Variants in TLK1 observed in about 807,000 individuals in gnomAD.
TLK1 encodes tousled like kinase 1.
Under a neutral mutation model 105.3 loss-of-function variants are expected in TLK1, and 24 were observed. That is an observed-to-expected ratio of 0.23 (90% CI 0.17 to 0.32). The LOEUF (loss-of-function observed/expected upper bound fraction) is 0.32, where lower values mean the gene tolerates loss of function less well. TLK1 is among the 10% of genes least tolerant of loss of function. The pLI, the probability that TLK1 is intolerant of heterozygous loss-of-function variation, is 1.00. For missense variants in TLK1, 558 were observed against 910.5 expected (o/e 0.61, Z 4.98); for synonymous variants, 321 against 310.4 (o/e 1.03, Z -0.36).
intron 1 of TLK1, among the ~76,000 whole-genome samples, chr2:171,135,335 A>G (rs113810866): frequency 1.1e-5 from 1 of 90,736 alleles, no homozygotes; most frequent in Non-Finnish European, 2.9e-5. Context: ...ATATATATAT[A>G]TATATATATC....
intron 1 of TLK1, among the ~76,000 whole-genome samples, chr2:171,166,071 A>T (rs1223804682): frequency 6.6e-6 from 1 of 152,232 alleles, no homozygotes; most frequent in African/African-American, 2.4e-5. Flanking sequence ...TGTAGCTTGA[A>T]GTCAGCCATG....
rs766099431 is a variant in TLK1 at position 171,160,453 on chromosome 2, T to G, written c.-25A>C. 1.3e-6 allele frequency: 2 copies of G among 1,580,862 alleles called. No individual in the cohort carries two copies. Among genetic ancestry groups the G allele is most frequent in the Non-Finnish European group, 8.6e-7 (1 of 1,167,130 alleles). ...TCAAGCTACTTTCTGGGAACCCGAC[T>G]CCCCCCCTGCGACGGCAGCGGCGGC... On this transcript the variant is annotated 5_prime_UTR_variant, in exon 1 of 21. Coordinates refer to ENST00000431350, the MANE Select transcript of TLK1 (RefSeq NM_012290.5). This position sits in a 1 kb window ranked among gnomAD's most constrained non-coding sequence, Gnocchi z 4.4.
At chr2:171,086,068 T>C (rs552391686) in intron 2 of TLK1, among the ~76,000 whole-genome samples, 3 of 152,290 alleles carry the variant, frequency 2.0e-5, no homozygotes, top group Admixed American at 6.5e-5. Flanking sequence ...TAATTCACAG[T>C]ATAAAGATGC....
chr2:171,133,873 T>C (rs1312383150), intron 1 of TLK1, among the ~76,000 whole-genome samples: 1 of 152,176 alleles, frequency 6.6e-6, no homozygotes, highest in African/African-American at 2.4e-5. Flanking sequence ...TGTCAGGGTG[T>C]TGCCCAGGCT....
intron 10 of TLK1, among the ~76,000 whole-genome samples, 198 bp from the exon 11 acceptor site, chr2:171,046,560 C>T (rs1331013739): frequency 1.3e-5 from 2 of 152,132 alleles, no homozygotes; most frequent in Non-Finnish European, 2.9e-5. Context: ...ATTCTCTAAA[C>T]CCCTAGATTA....
At chr2:171,219,198 G>A (rs1693765156) in intron 1 of TLK1, among the ~76,000 whole-genome samples, 1 of 152,104 alleles carries the variant, frequency 6.6e-6, no homozygotes, top group South Asian at 2.1e-4. Context: ...GCTTCACTAG[G>A]CCAAAAGCAA....
intron 2 of TLK1, among the ~76,000 whole-genome samples, chr2:171,115,570 C>A (rs1156780913): frequency 6.6e-6 from 1 of 152,134 alleles, no homozygotes; most frequent in African/African-American, 2.4e-5. Context: ...TCATTTTCCA[C>A]CCACGATGGC....
intron 1 of TLK1, among the ~76,000 whole-genome samples, chr2:171,139,879 C>G (rs1432833394): frequency 6.6e-6 from 1 of 152,152 alleles, no homozygotes; most frequent in African/African-American, 2.4e-5. Context: ...CTCAAATCAT[C>G]AGGCATTAGT....
chr2:171,193,700 ATTTTTTT>A (rs35175399), intron 1 of TLK1, among the ~76,000 whole-genome samples: 41 of 64,628 alleles, frequency 6.3e-4, no homozygotes, highest in Admixed American at 3.0e-3. Context: ...AGCGCCTGGC[ATTTTTTT>A]TTTTTTTTTT....
At chr2:170,996,020 CAG>C (rs1012664647) in intron 20 of TLK1, among the ~76,000 whole-genome samples, 1 of 149,354 alleles carries the variant, frequency 6.7e-6, no homozygotes, top group African/African-American at 2.5e-5. Context: ...TTTTTTGAGA[CAG>C]GGTGTCACTC....
At chr2:171,154,756 G>A (rs1487535948) in intron 1 of TLK1, among the ~76,000 whole-genome samples, 1 of 152,116 alleles carries the variant, frequency 6.6e-6, no homozygotes, top group East Asian at 1.9e-4. Context: ...AAGCATGAAG[G>A]AGTTTATGAA....
At chr2:171,055,046 A>T in intron 7 of TLK1, 37 bp downstream of exon 7, 2 of 1,246,972 alleles carry the variant, frequency 1.6e-6, no homozygotes, top group Non-Finnish European at 2.2e-6. Flanking sequence ...ATGGTTTCTT[A>T]GAAGCCATAG....
At chr2:171,019,680 A>G (rs1047351150) in intron 12 of TLK1, among the ~76,000 whole-genome samples, 1 of 152,192 alleles carries the variant, frequency 6.6e-6, no homozygotes, top group African/African-American at 2.4e-5. Context: ...CCTATAACCT[A>G]TGGGAGTTGG....
At chr2:171,126,341 T>C (rs1201850803) in intron 1 of TLK1, among the ~76,000 whole-genome samples, 3 of 152,136 alleles carry the variant, frequency 2.0e-5, no homozygotes, top group Non-Finnish European at 4.4e-5. Context: ...ATGTTTTCTC[T>C]CTCTCCCTGT....
intron 1 of TLK1, among the ~76,000 whole-genome samples, chr2:171,150,050 A>T (rs555996583): frequency 1.3e-5 from 2 of 152,252 alleles, no homozygotes; most frequent in African/African-American, 4.8e-5. Flanking sequence ...ATATTTGCTC[A>T]GTGTCAAGTC....
rs182621172 is a variant in TLK1, at chr2:171,078,369, C to T, written c.330+4412G>A. On this transcript the variant is annotated intron_variant, in intron 3 of 20. Transcript: ENST00000431350. ...CCTGGCCAACATAGTGAAACCCCGT[C>T]TCTACTAAAAATACAAAAATTAGCC... 1.0e-3 allele frequency among the ~76,000 whole-genome samples: 152 copies of T among 152,180 alleles called. 1 individual carries two copies. The highest frequency in any genetic ancestry group is 6.8e-3 in the Middle Eastern group (2 of 294).
At chr2:171,170,896 T>G (rs1692714061) in intron 1 of TLK1, among the ~76,000 whole-genome samples, 3 of 152,156 alleles carry the variant, frequency 2.0e-5, no homozygotes, top group Admixed American at 2.0e-4. Context: ...ATATTAATAC[T>G]CAGTGAAGTG....
chr2:171,112,176 T>A (rs1454126386), intron 2 of TLK1, among the ~76,000 whole-genome samples: 1 of 152,204 alleles, frequency 6.6e-6, no homozygotes, highest in Non-Finnish European at 1.5e-5. Context: ...GTTCTCAAAC[T>A]CCTTACCTCG....
chr2:171,165,250 C>T (rs1419097948), upstream of TLK1, among the ~76,000 whole-genome samples: 1 of 152,184 alleles, frequency 6.6e-6, no homozygotes, highest in African/African-American at 2.4e-5. Flanking sequence ...GTTCTGAGTG[C>T]TCCATGAGGA....
Sources: allele counts gnomAD v4.1 joint callset (sites outside exome capture counted in the v4.1 genomes callset), GRCh38; gene constraint gnomAD v4.1.1; non-coding constraint Gnocchi (gnomAD v3.1); transcripts MANE v1.5; gene names NCBI Gene and HGNC (gene_info 2026-07-23, HGNC 2026-07-21).